The following SLC30A3 variants were observed in gnomAD, a reference collection of about 807,000 sequenced individuals.
The protein encoded by SLC30A3 is probable proton-coupled zinc antiporter SLC30A3.
A neutral mutation model predicts 35.6 loss-of-function variants in SLC30A3; 20 were observed. The ratio of observed to expected loss-of-function variants is 0.56; its 90% CI spans 0.39 to 0.82. The LOEUF (loss-of-function observed/expected upper bound fraction) is 0.82, where lower values mean the gene tolerates loss of function less well. SLC30A3 is among the 40% of genes least tolerant of loss of function. The pLI is 0.00. For synonymous variants in SLC30A3, 217 were observed against 224.7 expected (o/e 0.97, Z 0.31); for missense variants, 401 against 530.6 (o/e 0.76, Z 2.40).
At chr2:27,265,254 G>A (rs952969195), upstream of SLC30A3, among the ~76,000 whole-genome samples, 25 of 152,372 alleles carry the variant, frequency 1.6e-4, no homozygotes, top group African/African-American at 5.3e-4. The surrounding 1 kb of genome is among the most constrained non-coding windows in gnomAD (Gnocchi z 5.9). Context: ...GCCACCAGGC[G>A]GGGAAGGCAG....
At chr2:27,256,542 C>A in intron 6 of SLC30A3, 22 bp from the exon 7 acceptor site, 1 of 1,613,824 alleles carries the variant, frequency 6.2e-7, no homozygotes, top group African/African-American at 1.3e-5. Flanking sequence ...ACCAGTCATG[C>A]CTTACTGCTA....
upstream of SLC30A3, among the ~76,000 whole-genome samples, chr2:27,266,058 T>G (rs1048675708): frequency 6.7e-6 from 1 of 150,054 alleles, no homozygotes; most frequent in African/African-American, 2.5e-5. Context: ...TTCTGTTTTG[T>G]TCTTTTTTTT....
At chr2:27,268,492 G>A (rs941956005) in intron 1 of SLC30A3, among the ~76,000 whole-genome samples, 1 of 152,154 alleles carries the variant, frequency 6.6e-6, no homozygotes, top group African/African-American at 2.4e-5. Context: ...GGTGGCTCAC[G>A]CCTATAATCC....
chr2:27,258,793 G>A lies in SLC30A3; in HGVS notation c.237C>T (p.Ala79=), dbSNP rs41288821. 14,233 of 1,614,208 alleles carry A rather than the reference G, an allele frequency of 8.8e-3. 98 individuals carry two copies. The highest frequency in any genetic ancestry group is 9.7e-3 in the Non-Finnish European group (11,466 of 1,180,026). ...CCATGAAGACAAAGCAAACGGCACAGGCAGCATATAGCTGCCTCCGTGCAT... is the reference window on the plus strand; with the variant it reads ...CCATGAAGACAAAGCAAACGGCACAAGCAGCATATAGCTGCCTCCGTGCAT... ...RLHARRQLYA[A]CAVCFVFMAG... Residue 79 remains alanine (A), a synonymous_variant, in exon 2 of 8, where the codon GCC becomes GCT. Coordinates refer to ENST00000233535, the MANE Select transcript of SLC30A3 (RefSeq NM_003459.5). This position sits in a 1 kb window ranked among gnomAD's most constrained non-coding sequence, Gnocchi z 4.0.
At chr2:27,270,764 A>G (rs1426335496) in intron 1 of SLC30A3, among the ~76,000 whole-genome samples, 2 of 152,104 alleles carry the variant, frequency 1.3e-5, no homozygotes, top group Non-Finnish European at 2.9e-5. Context: ...TTTCTAGCTG[A>G]AAGTCTTCCA....
intron 1 of SLC30A3, among the ~76,000 whole-genome samples, chr2:27,273,053 T>C (rs189083717): frequency 7.3e-6 from 1 of 136,958 alleles, no homozygotes; most frequent in Non-Finnish European, 1.5e-5. Flanking sequence ...AAAAAAAAAA[T>C]ATATATATAT....
upstream of SLC30A3, chr2:27,263,283 G>A: frequency 2.0e-6 from 1 of 488,092 alleles, no homozygotes; most frequent in Non-Finnish European, 4.0e-6. Context: ...CCCCACCTCT[G>A]CACACAGTCC....
chr2:27,263,069 G>T, upstream of SLC30A3: 1 of 1,355,286 alleles, frequency 7.4e-7, no homozygotes. Context: ...AGTCCGAACT[G>T]CAGATCCCGC....
chr2:27,259,080 C>A, intron 1 of SLC30A3, 146 bp from the exon 2 acceptor site: 2 of 617,904 alleles, frequency 3.2e-6, no homozygotes, highest in Non-Finnish European at 5.6e-6. Context: ...CAGAGGGCCA[C>A]ATGAGAGACC....
At chr2:27,272,288 C>T (rs1413500226) in intron 1 of SLC30A3, among the ~76,000 whole-genome samples, 1 of 152,146 alleles carries the variant, frequency 6.6e-6, no homozygotes, top group East Asian at 1.9e-4. Context: ...TGTCCAATTC[C>T]CTAGCTAAGT....
chr2:27,275,411 C>T (rs373937378), upstream of SLC30A3: 2 of 373,800 alleles, frequency 5.4e-6, no homozygotes, highest in South Asian at 2.0e-5. Flanking sequence ...CCAGTGCTTC[C>T]GGGGGCGCCA....
Position 27,257,152 on chromosome 2 carries a change from A to G in SLC30A3, c.777+2T>C. 1 of 1,613,408 alleles carries G rather than the reference A, an allele frequency of 6.2e-7. No homozygotes were observed. Among genetic ancestry groups the G allele is most frequent in the South Asian group, 1.1e-5 (1 of 91,056 alleles). The stretch of plus-strand genomic sequence containing the variant: ...GCTGGGGCAGGTCTCCAATGATGGT[A>G]CCTTGAAGTAGATGAGGATGGAGGC... On this transcript the variant is annotated splice_donor_variant, in intron 5 of 7. Transcript: ENST00000233535. LOFTEE classifies it high-confidence loss of function. The surrounding 1 kb of genome is among the most constrained non-coding windows in gnomAD (Gnocchi z 4.7).
rs1178344301 is a variant in SLC30A3, at chr2:27,256,875, C to T, written c.796G>A (p.Asp266Asn). ...GAGAAGAGGAAGGTGCTGATGGGGTCGGCTGCCTTGTATTGAGGCTGCAGA... is the reference window on the plus strand; with the variant it reads ...GAGAAGAGGAAGGTGCTGATGGGGTTGGCTGCCTTGTATTGAGGCTGCAGA... ...IYFKPQYKAADPISTFLFSIC... is the reference protein window; with the variant it reads ...IYFKPQYKAANPISTFLFSIC... The change falls in exon 6 of 8, where the codon GAC becomes AAC. Residue 266 changes from aspartate (D) to asparagine (N), a missense_variant. Coordinates refer to ENST00000233535, the MANE Select transcript of SLC30A3 (RefSeq NM_003459.5). 3 of 1,606,698 alleles carry T rather than the reference C, an allele frequency of 1.9e-6. No homozygotes were observed. Among genetic ancestry groups the T allele is most frequent in the Non-Finnish European group, 2.5e-6 (3 of 1,178,356 alleles).
upstream of SLC30A3, chr2:27,263,589 C>G: frequency 3.6e-6 from 1 of 279,454 alleles, no homozygotes; most frequent in Non-Finnish European, 7.4e-6. Flanking sequence ...AATCACTGTA[C>G]CGCGAATGAT....
upstream of SLC30A3, chr2:27,275,472 C>CAACT (rs1433946717): frequency 2.9e-6 from 1 of 342,046 alleles, no homozygotes; most frequent in African/African-American, 2.2e-5. Flanking sequence ...CAAGCGCAGT[C>CAACT]AACTGCTGGA....
chr2:27,262,850 C>G lies in SLC30A3; in HGVS notation c.57G>C (p.Arg19=). The change falls in exon 1 of 8, where the codon CGG becomes CGC. Residue 19 remains arginine (R), a synonymous_variant. Coordinates refer to ENST00000233535, the MANE Select transcript of SLC30A3 (RefSeq NM_003459.5). The surrounding 1 kb of genome is among the most constrained non-coding windows in gnomAD (Gnocchi z 7.5). ...GLETTRLVSP[R]DRGGAGGSLR... ...GGCTGCCTCCGGCGCCACCGCGGTC[C>G]CGGGGGCTCACCAGGCGAGTGGTCT... 1 of 1,566,442 alleles carries G rather than the reference C, an allele frequency of 6.4e-7. No homozygotes were observed. Among genetic ancestry groups the G allele is most frequent in the Non-Finnish European group, 8.6e-7 (1 of 1,161,378 alleles).
chr2:27,261,695 A>C lies in SLC30A3; in HGVS notation c.95+1117T>G, dbSNP rs1008603048. On this transcript the variant is annotated intron_variant, in intron 1 of 7. Transcript: ENST00000233535. ...CTCTCCCTGGCCCTCCGAAACCCCCAACCAACAACCGATATTGAGCGGGGA... is the reference window on the plus strand; with the variant it reads ...CTCTCCCTGGCCCTCCGAAACCCCCCACCAACAACCGATATTGAGCGGGGA... Among the ~76,000 whole-genome samples the C allele has an allele frequency of 1.5e-4, 23 of 152,122 alleles. No individual in the cohort carries two copies. In the East Asian group the frequency reaches 4.4e-3, roughly 29 times the overall value.
upstream of SLC30A3, among the ~76,000 whole-genome samples, chr2:27,266,596 A>G (rs1201910925): frequency 6.6e-6 from 1 of 152,210 alleles, no homozygotes; most frequent in Non-Finnish European, 1.5e-5. Context: ...GAATTTTTCT[A>G]TTAAAAAGGA....
At chr2:27,274,741 C>A (rs773551835) in intron 1 of SLC30A3, among the ~76,000 whole-genome samples, 10 of 151,640 alleles carry the variant, frequency 6.6e-5, no homozygotes, top group Non-Finnish European at 1.2e-4. Flanking sequence ...AAGAATGTAT[C>A]CTTAGGAAAA....
Sources: gnomAD v4.1 joint callset for allele counts (sites outside exome capture counted in the v4.1 genomes callset) on GRCh38, gnomAD v4.1.1 for gene constraint, Gnocchi (gnomAD v3.1) non-coding constraint, MANE v1.5 for transcripts, NCBI Gene and HGNC (gene_info 2026-07-23, HGNC 2026-07-21) for gene names.